The following PAK3 variants were observed in gnomAD, a reference collection of about 807,000 sequenced individuals.
The protein encoded by PAK3 is p21 (RAC1) activated kinase 3, also known as serine/threonine-protein kinase PAK 3.
A neutral mutation model predicts 41.0 loss-of-function variants in PAK3; 4 were observed. The ratio of observed to expected loss-of-function variants is 0.10; its 90% CI spans 0.05 to 0.22. The LOEUF (loss-of-function observed/expected upper bound fraction) is 0.22, where lower values mean the gene tolerates loss of function less well. Ranked by LOEUF, PAK3 falls within the 10% of genes least tolerant of loss-of-function variation. The probability of loss-of-function intolerance (pLI) is 1.00; values close to 1 mark genes in which losing one functional copy is unlikely to be tolerated. For synonymous variants in PAK3, 146 were observed against 139.6 expected (o/e 1.05, Z -0.32); for missense variants, 205 against 409.9 (o/e 0.50, Z 4.32).
chrX:111,220,453 C>T lies in PAK3; in HGVS notation c.*6C>T. On this transcript the variant is annotated 3_prime_UTR_variant, in exon 18 of 18. Transcript: ENST00000372007. ...TTAAGAACAGCAGCCGCTAAGACTG[C>T]AAGCCTTACACCTCACCATCTCCCT... 1 of 1,088,038 alleles carries T rather than the reference C, an allele frequency of 9.2e-7. No homozygotes were observed. Among genetic ancestry groups the T allele is most frequent in the Non-Finnish European group, 1.3e-6 (1 of 784,327 alleles). 89.7% of individuals were successfully genotyped at this position (1,088,038 alleles called of 1,213,427 possible). A position where few individuals can be genotyped will look rare whatever the true frequency, so the allele number is the denominator to read the frequency against.
chrX:111,006,274 G>A (rs949092234), intron 1 of PAK3, among the ~76,000 whole-genome samples: 2 of 111,920 alleles, frequency 1.8e-5, no homozygotes, highest in Non-Finnish European at 1.9e-5. Flanking sequence ...AATTGTGTCA[G>A]TGTTAAAATT....
chrX:110,973,214 C>T (rs767063015), intron 1 of PAK3, among the ~76,000 whole-genome samples: 1 of 111,352 alleles, frequency 9.0e-6, no homozygotes, highest in Non-Finnish European at 1.9e-5. Flanking sequence ...ATACAGAGAA[C>T]ATCACAAAGA....
intron 1 of PAK3, among the ~76,000 whole-genome samples, chrX:110,972,710 A>G (rs911337443): frequency 5.4e-5 from 6 of 111,935 alleles, no homozygotes; most frequent in African/African-American, 1.9e-4. Flanking sequence ...ACATAGAATG[A>G]CTTTCATGAG....
At chrX:111,076,211 A>T (rs1418689831) in intron 1 of PAK3, among the ~76,000 whole-genome samples, 1 of 111,353 alleles carries the variant, frequency 9.0e-6, no homozygotes, top group Non-Finnish European at 1.9e-5. Flanking sequence ...TGTGAGAAGG[A>T]TGTGAGATTT....
chrX:111,072,372 A>C (rs2092751956), intron 1 of PAK3, among the ~76,000 whole-genome samples: 1 of 112,916 alleles, frequency 8.9e-6, no homozygotes, highest in African/African-American at 3.2e-5. Flanking sequence ...ATATTTCTGC[A>C]ACAAAGCATA....
chrX:110,997,025 T>C lies in PAK3; in HGVS notation c.-28+52397T>C, dbSNP rs918488994. On this transcript the variant is annotated intron_variant, in intron 1 of 14. Transcript: ENST00000425146. ...GTAAAGACCTGAAAGAAGTGACAGA[T>C]ATAGATCTGCAGCTATTTGGATGAC... 8.9e-5 allele frequency among the ~76,000 whole-genome samples: 10 copies of C among 111,980 alleles called. No individual in the cohort carries two copies. In the Admixed American group the frequency reaches 9.5e-4, roughly 11 times the overall value.
intron 1 of PAK3, among the ~76,000 whole-genome samples, chrX:110,981,607 A>T (rs1441373279): frequency 9.1e-6 from 1 of 110,199 alleles, no homozygotes; most frequent in Non-Finnish European, 1.9e-5. Context: ...AATGTTGCAA[A>T]GGTTAACATT....
chrX:111,046,855 T>C (rs183920930), intron 1 of PAK3, among the ~76,000 whole-genome samples: 6 of 112,170 alleles, frequency 5.3e-5, no homozygotes, highest in African/African-American at 1.6e-4. Context: ...ACTCTCTCAG[T>C]GTTGTAACCC....
intron 4 of PAK3, among the ~76,000 whole-genome samples, chrX:111,120,013 C>T (rs1166824436): frequency 8.9e-6 from 1 of 112,364 alleles, no homozygotes; most frequent in East Asian, 2.8e-4. Flanking sequence ...TAAAACAAAA[C>T]CATATCTGAA....
chrX:110,989,081 G>T (rs1461641208), intron 1 of PAK3, among the ~76,000 whole-genome samples: 3 of 112,061 alleles, frequency 2.7e-5, no homozygotes, highest in African/African-American at 9.7e-5. Flanking sequence ...GACTTGATAT[G>T]TTGAAGATGT....
rs1213288218 is a variant in PAK3, at chrX:111,123,136, C to G, written c.33C>G (p.Pro11=). 1 of 1,204,326 alleles carries G rather than the reference C, an allele frequency of 8.3e-7. No individual in the cohort carries two copies. Residue 11 remains proline (P), a synonymous_variant, in exon 5 of 18, where the codon CCC becomes CCG. Transcript: ENST00000372007. MSDGLDNEEK[P]PAPPLRMNSN... Reference sequence around the variant, plus strand: ...ACGGTCTGGATAATGAAGAGAAACCCCCGGCTCCTCCACTGAGGATGAATA... The same window carrying G: ...ACGGTCTGGATAATGAAGAGAAACCGCCGGCTCCTCCACTGAGGATGAATA...
intron 1 of PAK3, among the ~76,000 whole-genome samples, chrX:110,982,330 A>G (rs1936245392): frequency 8.9e-6 from 1 of 112,277 alleles, no homozygotes; most frequent in Non-Finnish European, 1.9e-5. Context: ...GGCTTTGCTC[A>G]TGCCTAGCTC....
intron 1 of PAK3, among the ~76,000 whole-genome samples, chrX:111,057,819 T>C (rs769199671): frequency 1.4e-4 from 16 of 111,700 alleles, no homozygotes; most frequent in Non-Finnish European, 2.6e-4. Flanking sequence ...TTGCACCCAT[T>C]AGCAGTCACT....
At chrX:111,021,901 A>G (rs2092189199) in intron 1 of PAK3, among the ~76,000 whole-genome samples, 1 of 110,649 alleles carries the variant, frequency 9.0e-6, no homozygotes, top group African/African-American at 3.3e-5. Context: ...TCTCAGTAAT[A>G]GAATCAAACA....
At chrX:111,070,973 C>T (rs377325511) in intron 1 of PAK3, among the ~76,000 whole-genome samples, 18 of 112,086 alleles carry the variant, frequency 1.6e-4, no homozygotes, top group East Asian at 1.4e-3. Context: ...TCCTGTTTGC[C>T]GATAGAGAAT....
At position 111,187,908 on chromosome X, in the gene PAK3, C is replaced by T. The variant is rs181796391; in HGVS notation, c.831-4219C>T. ...GTAAGTGTGGTAGGAGAGGATATTA[C>T]CATTTTATGACAAGAGAACCAGGGT... On this transcript the variant is annotated intron_variant, in intron 11 of 17. Coordinates refer to ENST00000372007, the MANE Select transcript of PAK3 (RefSeq NM_002578.5). 5.8e-3 allele frequency among the ~76,000 whole-genome samples: 621 copies of T among 106,575 alleles called. 8 individuals are homozygous for T. The highest frequency in any genetic ancestry group is 0.02 in the African/African-American group (576 of 29,221). The allele number at this position is 106,575 out of a possible 115,157, so 92.5% of individuals were successfully genotyped here.
At chrX:111,130,034 T>C (rs999399012) in intron 5 of PAK3, among the ~76,000 whole-genome samples, 10 of 112,137 alleles carry the variant, frequency 8.9e-5, no homozygotes, top group African/African-American at 2.9e-4. Context: ...CTTTGCTTTT[T>C]GTTTTCAAAT....
intron 1 of PAK3, among the ~76,000 whole-genome samples, chrX:111,050,197 G>GT: frequency 9.0e-6 from 1 of 111,254 alleles, no homozygotes; most frequent in Admixed American, 9.5e-5. Context: ...CTCTGTGGAT[G>GT]TTTTTTCCCA....
chrX:111,141,575 T>C (rs189210899), intron 5 of PAK3, among the ~76,000 whole-genome samples: 2 of 112,345 alleles, frequency 1.8e-5, no homozygotes, highest in East Asian at 5.6e-4. Flanking sequence ...GTGGTATTCT[T>C]GTTAATAGAA....
Sources: allele counts gnomAD v4.1 joint callset (sites outside exome capture counted in the v4.1 genomes callset), GRCh38; gene constraint gnomAD v4.1.1; transcripts MANE v1.5; gene names NCBI Gene and HGNC (gene_info 2026-07-23, HGNC 2026-07-21).